Variants in PLEKHA6 observed in about 807,000 individuals in gnomAD.
PLEKHA6 encodes pleckstrin homology domain containing A6.
PLEKHA6 carries 60 observed loss-of-function variants against 116.7 expected under a neutral mutation model. The ratio of observed to expected loss-of-function variants is 0.51; its 90% CI spans 0.42 to 0.64. The LOEUF is 0.64. Among genes scored for constraint, PLEKHA6 ranks in the 30% least tolerant of loss-of-function variants. The probability of loss-of-function intolerance (pLI) is 0.00; values close to 1 mark genes in which losing one functional copy is unlikely to be tolerated. For synonymous variants in PLEKHA6, 489 were observed against 556.1 expected (o/e 0.88, Z 1.70); for missense variants, 1,338 against 1,422.7 (o/e 0.94, Z 0.96).
chr1:204,299,413 G>C (rs1670598216), intron 1 of PLEKHA6, among the ~76,000 whole-genome samples: 2 of 152,204 alleles, frequency 1.3e-5, no homozygotes, highest in Admixed American at 1.3e-4. Flanking sequence ...CAGTGCAGAA[G>C]AGCCCCTGGG....
At chr1:204,255,687 G>C (rs1417500239) in intron 9 of PLEKHA6, 1 of 702,782 alleles carries the variant, frequency 1.4e-6, no homozygotes, top group Non-Finnish European at 2.6e-6. Flanking sequence ...ATCCTACCCG[G>C]AGCCCGAGGC....
chr1:204,306,095 T>G (rs1166197767), intron 1 of PLEKHA6, among the ~76,000 whole-genome samples: 1 of 152,164 alleles, frequency 6.6e-6, no homozygotes, highest in Non-Finnish European at 1.5e-5. Flanking sequence ...CCACCCCATA[T>G]TCTTTCTCTA....
intron 1 of PLEKHA6, among the ~76,000 whole-genome samples, chr1:204,357,091 G>C (rs1034183737): frequency 6.6e-6 from 1 of 152,174 alleles, no homozygotes; most frequent in Non-Finnish European, 1.5e-5. Context: ...TTATGACCAC[G>C]TAAAAGAGAG....
At chr1:204,373,021 A>G (rs1024809760) in intron 1 of PLEKHA6, among the ~76,000 whole-genome samples, 1 of 142,502 alleles carries the variant, frequency 7.0e-6, no homozygotes, top group Non-Finnish European at 1.5e-5. Flanking sequence ...CAATCCTCCC[A>G]CCTCAGCCCC....
chr1:204,241,366 G>A lies in PLEKHA6; in HGVS notation c.2409+9C>T, dbSNP rs757823807. On this transcript the variant is annotated intron_variant, in intron 17 of 22. Coordinates refer to ENST00000272203, the MANE Select transcript of PLEKHA6 (RefSeq NM_014935.5). ...GCTCAGGCCTGCATGAGCTTGCAGA[G>A]GTACCCACCTGGGAGGAGAGTCCAT... 1.9e-6 allele frequency: 3 copies of A among 1,571,862 alleles called. No homozygotes were observed. The highest frequency in any genetic ancestry group is 2.6e-6 in the Non-Finnish European group (3 of 1,144,284).
chr1:204,345,485 C>T (rs980740392), intron 1 of PLEKHA6, among the ~76,000 whole-genome samples: 1 of 151,508 alleles, frequency 6.6e-6, no homozygotes, highest in Admixed American at 6.6e-5. Flanking sequence ...CACTCCCCAT[C>T]TCTGCTGTGC....
chr1:204,357,545 T>G (rs1372426735), intron 1 of PLEKHA6, among the ~76,000 whole-genome samples: 1 of 152,210 alleles, frequency 6.6e-6, no homozygotes, highest in Non-Finnish European at 1.5e-5. Context: ...CCTGGCTTCC[T>G]GAGCCCGTTC....
At chr1:204,300,480 T>A (rs1670707144) in intron 1 of PLEKHA6, among the ~76,000 whole-genome samples, 1 of 152,240 alleles carries the variant, frequency 6.6e-6, no homozygotes, top group Admixed American at 6.5e-5. Flanking sequence ...GCTGGATTCT[T>A]CTTGTAAGCC....
Position 204,266,319 on chromosome 1 carries a change from G to A in PLEKHA6, c.280+1156C>T, listed in dbSNP as rs1351362063. ...CCAGGCCAGCATTTAGGGGAGTCCT[G>A]GGTCCATCTCTTTGTGAACAGTGGC... On this transcript the variant is annotated intron_variant, in intron 5 of 22. Transcript: ENST00000272203. Among the ~76,000 whole-genome samples, 4 of 152,172 alleles carry A rather than the reference G, an allele frequency of 2.6e-5. No individual in the cohort carries two copies. The South Asian group carries it at 8.3e-4, about 32-fold the overall frequency.
intron 17 of PLEKHA6, 65 bp downstream of exon 17, chr1:204,241,310 T>A: frequency 4.1e-6 from 4 of 966,608 alleles, no homozygotes; most frequent in Non-Finnish European, 6.5e-6. Context: ...GATGAGTAGG[T>A]ACACACACAG....
At chr1:204,237,363 T>A (rs753638482) in intron 17 of PLEKHA6, among the ~76,000 whole-genome samples, 3 of 152,002 alleles carry the variant, frequency 2.0e-5, no homozygotes, top group Non-Finnish European at 2.9e-5. Flanking sequence ...TCTAGAAAAA[T>A]AGTAAATCAA....
At chr1:204,262,883 TAG>T (rs1273567119) in intron 6 of PLEKHA6, among the ~76,000 whole-genome samples, 1 of 151,526 alleles carries the variant, frequency 6.6e-6, no homozygotes, top group African/African-American at 2.4e-5. Flanking sequence ...GGATAGGGGA[TAG>T]AGAGACCAGG....
rs1433242758 is a variant in PLEKHA6 at position 204,223,289 on chromosome 1, G to C, written c.*8+173C>G. 6.6e-6 allele frequency among the ~76,000 whole-genome samples: 1 copy of C among 152,152 alleles called. No individual in the cohort carries two copies. The highest frequency in any genetic ancestry group is 1.5e-5 in the Non-Finnish European group (1 of 68,028). ...TGGCTCCAGCCCAGCACTGCGTGGG[G>C]AAGCTGGATGGACGGATGGATGGAT... is the stretch of plus-strand genomic sequence containing the variant. On this transcript the variant is annotated intron_variant, in intron 22 of 22. Coordinates refer to ENST00000272203, the MANE Select transcript of PLEKHA6 (RefSeq NM_014935.5). This position sits in a 1 kb window ranked among gnomAD's most constrained non-coding sequence, Gnocchi z 4.8.
At chr1:204,326,714 G>A (rs951005589) in intron 1 of PLEKHA6, among the ~76,000 whole-genome samples, 1 of 152,210 alleles carries the variant, frequency 6.6e-6, no homozygotes, top group African/African-American at 2.4e-5. Flanking sequence ...TTAAGAGTCG[G>A]AGGATAAATG....
chr1:204,232,967 T>A (rs1211570596), intron 17 of PLEKHA6, among the ~76,000 whole-genome samples: 10 of 152,290 alleles, frequency 6.6e-5, no homozygotes, highest in Admixed American at 5.9e-4. Context: ...TTTTATTTTT[T>A]AAAATTTATT....
intron 15 of PLEKHA6, among the ~76,000 whole-genome samples, chr1:204,243,565 C>T (rs1478124515): frequency 6.6e-6 from 1 of 152,136 alleles, no homozygotes; most frequent in Non-Finnish European, 1.5e-5. Flanking sequence ...CTCTCCCACC[C>T]TTTTGCTTCC....
rs979239661 is a variant in PLEKHA6 at position 204,284,096 on chromosome 1, G to T, written c.-94-9287C>A. ...TCTCGCCGGGATCAGTGTGCACAGTGCATCTGCTTCATGCCCCCTCCTGTC... is the reference window on the plus strand; with the variant it reads ...TCTCGCCGGGATCAGTGTGCACAGTTCATCTGCTTCATGCCCCCTCCTGTC... On this transcript the variant is annotated intron_variant, in intron 1 of 22. Coordinates refer to ENST00000272203, the MANE Select transcript of PLEKHA6 (RefSeq NM_014935.5). 9.2e-5 allele frequency among the ~76,000 whole-genome samples: 14 copies of T among 152,310 alleles called. No individual in the cohort carries two copies. In the East Asian group the frequency reaches 2.7e-3, roughly 29 times the overall value.
chr1:204,322,637 G>A (rs1368588445), intron 1 of PLEKHA6, among the ~76,000 whole-genome samples: 3 of 152,174 alleles, frequency 2.0e-5, no homozygotes, highest in Non-Finnish European at 1.5e-5. Context: ...ATCAGCCGCT[G>A]GGATTCTTTC....
chr1:204,324,493 G>A (rs947257481), intron 1 of PLEKHA6, among the ~76,000 whole-genome samples: 19 of 152,270 alleles, frequency 1.2e-4, no homozygotes, highest in African/African-American at 2.2e-4. Context: ...GAGGCAGCTC[G>A]TGATGAGACA....
Sources: allele counts gnomAD v4.1 joint callset (sites outside exome capture counted in the v4.1 genomes callset), GRCh38; gene constraint gnomAD v4.1.1; non-coding constraint Gnocchi (gnomAD v3.1); transcripts MANE v1.5; gene names NCBI Gene and HGNC (gene_info 2026-07-23, HGNC 2026-07-21).